NDUFA5: variants seen among roughly 807,000 people sequenced by gnomAD.
The protein encoded by NDUFA5 is NADH dehydrogenase [ubiquinone] 1 alpha subcomplex subunit 5.
NDUFA5 carries 11 observed loss-of-function variants against 19.8 expected under a neutral mutation model. The ratio of observed to expected loss-of-function variants is 0.56; its 90% CI spans 0.35 to 0.92. The LOEUF (loss-of-function observed/expected upper bound fraction) is 0.92. Among genes scored for constraint, NDUFA5 ranks in the 40% least tolerant of loss-of-function variants. The pLI is 0.01. For synonymous variants in NDUFA5, 47 were observed against 46.8 expected, an observed-to-expected ratio of 1.00 and a Z score of -0.01; for missense variants, 109 against 134.2, an observed-to-expected ratio of 0.81 and a Z score of 0.93.
chr7:123,569,427 A>T, the NDUFA5 span, among the ~76,000 whole-genome samples: 1 of 152,340 alleles, frequency 6.6e-6, no homozygotes, highest in Non-Finnish European at 1.5e-5. Context: ...CATAATATTT[A>T]AAAAGTCATT....
At chr7:123,546,086 A>C (rs1798121784) in intron 3 of NDUFA5, among the ~76,000 whole-genome samples, 1 of 152,164 alleles carries the variant, frequency 6.6e-6, no homozygotes, top group Non-Finnish European at 1.5e-5. Flanking sequence ...TTTTTTAAAA[A>C]ACATGTTTGA....
At chr7:123,597,441 C>T in the NDUFA5 span, among the ~76,000 whole-genome samples, 3 of 152,018 alleles carry the variant, frequency 2.0e-5, no homozygotes, top group African/African-American at 7.2e-5. Flanking sequence ...ATAAATTAAA[C>T]GTTATCATAA....
At chr7:123,585,407 T>G in the NDUFA5 span, among the ~76,000 whole-genome samples, 1 of 151,804 alleles carries the variant, frequency 6.6e-6, no homozygotes, top group African/African-American at 2.4e-5. Context: ...ACACATTACA[T>G]GTAGGAATGC....
chr7:123,552,338 GA>G (rs1367576166), intron 2 of NDUFA5, among the ~76,000 whole-genome samples: 1 of 152,120 alleles, frequency 6.6e-6, no homozygotes. Flanking sequence ...CCTTTGCAGG[GA>G]AATGGATGAA....
At chr7:123,552,291 G>A (rs758835114) in intron 2 of NDUFA5, among the ~76,000 whole-genome samples, 1 of 151,924 alleles carries the variant, frequency 6.6e-6, no homozygotes, top group Non-Finnish European at 1.5e-5. Context: ...ATACAACATG[G>A]AATACTATGC....
chr7:123,561,934 C>T (rs1798694542), upstream of NDUFA5, among the ~76,000 whole-genome samples: 1 of 151,728 alleles, frequency 6.6e-6, no homozygotes, highest in African/African-American at 2.4e-5. Flanking sequence ...CTAGTGTGGT[C>T]AGTTCTTTCA....
At position 123,545,934 on chromosome 7, in the gene NDUFA5, T is replaced by C. The variant is rs1798117023; in HGVS notation, c.184-258A>G. 1.6e-5 allele frequency: 5 copies of C among 315,996 alleles called. No individual in the cohort carries two copies. In the South Asian group the frequency reaches 2.6e-4, roughly 16 times the overall value. 19.6% of individuals were successfully genotyped at this position (315,996 alleles called of 1,614,324 possible). A position where few individuals can be genotyped will look rare whatever the true frequency, so the allele number is the denominator to read the frequency against. On this transcript the variant is annotated intron_variant, in intron 3 of 4. Transcript: ENST00000355749. ...AATACAATGTCAAATTCAGTCTTCC[T>C]AAAACAGATTTTAAAATATGACTTT...
intron 2 of NDUFA5, among the ~76,000 whole-genome samples, chr7:123,552,169 T>G (rs1562897223): frequency 6.7e-6 from 1 of 148,324 alleles, no homozygotes; most frequent in Non-Finnish European, 1.5e-5. Context: ...GAGCAACCTT[T>G]TTTTTCAATT....
chr7:123,590,968 A>G, the NDUFA5 span, among the ~76,000 whole-genome samples: 1 of 151,488 alleles, frequency 6.6e-6, no homozygotes, highest in South Asian at 2.1e-4. Flanking sequence ...GTCTTCTTTT[A>G]TTTTATTGAG....
At chr7:123,567,725 C>G in the NDUFA5 span, among the ~76,000 whole-genome samples, 3 of 152,026 alleles carry the variant, frequency 2.0e-5, no homozygotes, top group Admixed American at 1.3e-4. Context: ...ACAGGTAATG[C>G]TTAGCCAGTT....
chr7:123,559,363 T>C (rs1166638242), upstream of NDUFA5, among the ~76,000 whole-genome samples: 2 of 149,678 alleles, frequency 1.3e-5, no homozygotes, highest in African/African-American at 4.9e-5. Flanking sequence ...CCAGATGGCT[T>C]CGCTGGTAAA....
At chr7:123,545,901 G>C in intron 3 of NDUFA5, 1 of 403,278 alleles carries the variant, frequency 2.5e-6, no homozygotes, top group Non-Finnish European at 4.4e-6. Flanking sequence ...TGCTGATCAA[G>C]GGACAGAAAT....
the NDUFA5 span, among the ~76,000 whole-genome samples, chr7:123,566,083 G>GTTAAGATGAGGTCAT: frequency 6.6e-6 from 1 of 151,928 alleles, no homozygotes; most frequent in Admixed American, 6.6e-5. Flanking sequence ...ATGTAATCAA[G>GTTAAGATGAGGTCAT]TTAAGATGAG....
upstream of NDUFA5, chr7:123,557,981 G>T: frequency 1.1e-6 from 1 of 915,156 alleles, no homozygotes; most frequent in Non-Finnish European, 1.7e-6. Flanking sequence ...ATGCGCGATG[G>T]GCATACAAGC....
the NDUFA5 span, among the ~76,000 whole-genome samples, chr7:123,578,473 G>C: frequency 6.6e-6 from 1 of 151,804 alleles, no homozygotes; most frequent in Non-Finnish European, 1.5e-5. Context: ...CTGGAACTTT[G>C]TTTCCTCTAT....
chr7:123,560,660 C>T (rs1478917854), upstream of NDUFA5, among the ~76,000 whole-genome samples: 1 of 152,080 alleles, frequency 6.6e-6, no homozygotes, highest in Non-Finnish European at 1.5e-5. Context: ...TACTGGTTAC[C>T]CTCTCATGGT....
chr7:123,581,414 TA>T, the NDUFA5 span, among the ~76,000 whole-genome samples: 1,202 of 124,386 alleles, frequency 9.7e-3, 14 homozygotes, highest in South Asian at 0.046. Context: ...AGTGAGCACT[TA>T]AAAAAAAAAA....
Position 123,540,890 on chromosome 7 carries a change from GCACACACACACACACACACA to G in NDUFA5, c.*1209_*1228del, listed in dbSNP as rs56974030. The G allele has an allele frequency of 9.9e-4, 133 of 133,908 alleles. No individual in the cohort carries two copies. The highest frequency in any genetic ancestry group is 1.9e-3 in the Admixed American group (26 of 13,458). The allele number at this position is 133,908 out of a possible 1,614,324, so 8.3% of individuals were successfully genotyped here. On this transcript the variant is annotated 3_prime_UTR_variant, in exon 5 of 5. Coordinates refer to ENST00000355749, the MANE Select transcript of NDUFA5 (RefSeq NM_005000.5). Reference sequence around the variant, plus strand: ...TCTGAGCAAATGTGCGCATGCGCGTGCACACACACACACACACACACACACACACACACACACACACACAC... The same window carrying G: ...TCTGAGCAAATGTGCGCATGCGCGTGCACACACACACACACACACACACAC...
intron 2 of NDUFA5, among the ~76,000 whole-genome samples, chr7:123,554,224 T>C (rs1584701376): frequency 6.6e-6 from 1 of 152,338 alleles, no homozygotes; most frequent in South Asian, 2.1e-4. Flanking sequence ...TATTATATAC[T>C]GAAATGGCAA....
Sources: gnomAD v4.1 joint callset for allele counts (sites outside exome capture counted in the v4.1 genomes callset) on GRCh38, gnomAD v4.1.1 for gene constraint, MANE v1.5 for transcripts, NCBI Gene and HGNC (gene_info 2026-07-23, HGNC 2026-07-21) for gene names.